Variants in NRXN3 observed in about 807,000 individuals in gnomAD.
NRXN3 encodes neurexin III.
A neutral mutation model predicts 137.6 loss-of-function variants in NRXN3; 32 were observed. The observed-to-expected ratio is 0.23, with a 90% confidence interval of 0.18 to 0.31. The LOEUF (loss-of-function observed/expected upper bound fraction) is 0.31, where lower values mean the gene tolerates loss of function less well. NRXN3 is among the 10% of genes least tolerant of loss of function. The pLI is 1.00. For missense variants in NRXN3, 1,574 were observed against 2,062.5 expected (o/e 0.76, Z 4.59); for synonymous variants, 798 against 784.5 (o/e 1.02, Z -0.29).
chr14:78,265,718 A>T (rs78715152), intron 2 of NRXN3, among the ~76,000 whole-genome samples: 10,643 of 152,242 alleles, frequency 0.07, 484 homozygotes, highest in Middle Eastern at 0.13. Flanking sequence ...TGGGATGCAG[A>T]TGACCTCAAT....
intron 19 of NRXN3, among the ~76,000 whole-genome samples, chr14:79,768,881 T>A (rs1361536067): frequency 6.6e-6 from 1 of 151,020 alleles, no homozygotes; most frequent in Middle Eastern, 3.2e-3. Context: ...TTGAAAAAAA[T>A]TTAGAAGAAT....
rs538028959 is a variant in NRXN3, at chr14:79,497,647, CTT to C, written c.3444+30249_3444+30250del. On this transcript the variant is annotated intron_variant, in intron 16 of 20. Transcript: ENST00000335750. ...AACACAGGCTCCCAGGGGTTAGTGA[CTT>C]TTTAAATATTGTTTGTCACTGAATT... 4.5e-3 allele frequency among the ~76,000 whole-genome samples: 680 copies of C among 152,240 alleles called. 5 individuals carry two copies. Among genetic ancestry groups the C allele is most frequent in the Middle Eastern group, 0.031 (9 of 294 alleles).
Position 79,861,605 on chromosome 14 carries a change from A to G in NRXN3, c.4357A>G (p.Ser1453Gly), listed in dbSNP as rs762198054. 1.9e-6 allele frequency: 3 copies of G among 1,613,470 alleles called. No homozygotes were observed. The highest frequency in any genetic ancestry group is 1.7e-5 in the Admixed American group (1 of 59,932). Residue 1453 changes from serine (S) to glycine (G), a missense_variant, in exon 21 of 21, where the codon AGC becomes GGC. This residue lies in a region of NRXN3 where 320 missense variants were observed against 387.1 expected (regional missense o/e 0.83). Coordinates refer to ENST00000335750, the MANE Select transcript of NRXN3 (RefSeq NM_001330195.2). This position sits in a 1 kb window ranked among gnomAD's most constrained non-coding sequence, Gnocchi z 5.4. ...LPLPTAYELD[S>G]TKLKSPLITS... is the part of the protein sequence containing the mutation. ...GTTGCCCACTGCCTATGAGCTAGAC[A>G]GCACCAAACTGAAGAGCCCACTAAT...
intron 15 of NRXN3, among the ~76,000 whole-genome samples, chr14:79,450,061 C>T (rs1190608606): frequency 1.3e-5 from 2 of 148,736 alleles, no homozygotes; most frequent in Non-Finnish European, 3.0e-5. Context: ...CATTTCTTGT[C>T]ATGTATACAT....
At chr14:78,471,329 CA>C (rs2095266537) in intron 4 of NRXN3, among the ~76,000 whole-genome samples, 2 of 10,552 alleles carry the variant, frequency 1.9e-4, no homozygotes, top group East Asian at 2.9e-3. Flanking sequence ...CACACACACA[CA>C]CACCCCCAAG....
At chr14:79,536,027 G>C (rs2097208175) in intron 16 of NRXN3, among the ~76,000 whole-genome samples, 1 of 152,212 alleles carries the variant, frequency 6.6e-6, no homozygotes, top group Non-Finnish European at 1.5e-5. Flanking sequence ...CTCTCCAAAT[G>C]AGCAGAAGCT....
At chr14:78,972,273 G>A (rs2099444605) in intron 14 of NRXN3, among the ~76,000 whole-genome samples, 1 of 152,298 alleles carries the variant, frequency 6.6e-6, no homozygotes, top group East Asian at 1.9e-4. Context: ...TTTTGAAACT[G>A]GCACGAATAA....
intron 10 of NRXN3, among the ~76,000 whole-genome samples, chr14:78,858,425 T>C (rs1187038556): frequency 6.6e-6 from 1 of 152,176 alleles, no homozygotes; most frequent in Admixed American, 6.5e-5. Flanking sequence ...AAGCTAGATG[T>C]TCTACCTTCA....
chr14:79,215,401 G>GTA (rs60155801), intron 15 of NRXN3, among the ~76,000 whole-genome samples: 4,667 of 151,784 alleles, frequency 0.031, 228 homozygotes, highest in African/African-American at 0.11. Context: ...GTGTGTGTGT[G>GTA]TATATATATA....
chr14:78,570,475 T>C (rs894190827), intron 4 of NRXN3, among the ~76,000 whole-genome samples: 2 of 152,208 alleles, frequency 1.3e-5, no homozygotes, highest in African/African-American at 4.8e-5. Context: ...TGTCATGCTT[T>C]TCAGGTTCAG....
chr14:79,514,181 C>G (rs557423810), intron 16 of NRXN3, among the ~76,000 whole-genome samples: 48 of 135,748 alleles, frequency 3.5e-4, no homozygotes, highest in Admixed American at 1.2e-3. Context: ...TTTTATCCAC[C>G]ACCCCCTCCC....
intron 15 of NRXN3, among the ~76,000 whole-genome samples, chr14:79,028,784 G>T (rs1261657752): frequency 1.3e-5 from 2 of 152,090 alleles, no homozygotes; most frequent in African/African-American, 4.8e-5. Flanking sequence ...GAGGACTTTT[G>T]AATTAATCCA....
intron 15 of NRXN3, among the ~76,000 whole-genome samples, chr14:79,433,455 A>G (rs2095796074): frequency 6.6e-6 from 1 of 152,094 alleles, no homozygotes. Flanking sequence ...GACCACTAGC[A>G]TTCTCTCTAC....
chr14:78,737,798 G>C (rs2098547607), intron 8 of NRXN3, among the ~76,000 whole-genome samples: 1 of 152,118 alleles, frequency 6.6e-6, no homozygotes, highest in South Asian at 2.1e-4. Context: ...GCTGCTTAGG[G>C]GCTGGTAGGC....
chr14:79,522,371 C>T (rs2097075192), intron 16 of NRXN3, among the ~76,000 whole-genome samples: 1 of 152,112 alleles, frequency 6.6e-6, no homozygotes, highest in Admixed American at 6.6e-5. Flanking sequence ...TGAGCTTTCT[C>T]TTCCAAGGAG....
chr14:79,154,889 AT>A (rs774272249), intron 15 of NRXN3, among the ~76,000 whole-genome samples: 6 of 151,958 alleles, frequency 3.9e-5, no homozygotes, highest in African/African-American at 7.2e-5. Context: ...CTGAATCTTC[AT>A]CCTTTGACTG....
At chr14:78,960,482 G>A (rs753258128) in intron 11 of NRXN3, among the ~76,000 whole-genome samples, 7 of 152,092 alleles carry the variant, frequency 4.6e-5, no homozygotes, top group Non-Finnish European at 7.4e-5. Flanking sequence ...AATAGGTCTG[G>A]CTCACAAGAA....
intron 4 of NRXN3, among the ~76,000 whole-genome samples, chr14:78,427,307 C>A (rs2153683886): frequency 6.6e-6 from 1 of 152,298 alleles, no homozygotes; most frequent in South Asian, 2.1e-4. Context: ...ATAAAAGTAC[C>A]TATTCCAATT....
At chr14:79,119,856 A>G (rs977952567) in intron 15 of NRXN3, among the ~76,000 whole-genome samples, 4 of 152,142 alleles carry the variant, frequency 2.6e-5, no homozygotes, top group Non-Finnish European at 4.4e-5. Context: ...ATTACTTTGT[A>G]AACAAGTACC....
Sources: allele counts gnomAD v4.1 joint callset (sites outside exome capture counted in the v4.1 genomes callset), GRCh38; gene constraint gnomAD v4.1.1; regional missense constraint gnomAD v4.1.1; non-coding constraint Gnocchi (gnomAD v3.1); transcripts MANE v1.5; gene names NCBI Gene and HGNC (gene_info 2026-07-23, HGNC 2026-07-21).